Variants in RAI1 observed in about 807,000 individuals in gnomAD.
RAI1 encodes retinoic acid-induced protein 1.
In RAI1, 9 loss-of-function variants were observed where a neutral mutation model predicts 123.8. The observed-to-expected ratio is 0.07, with a 90% CI of 0.04 to 0.13. RAI1 has a LOEUF of 0.13. Ranked by LOEUF, RAI1 falls within the 10% of genes least tolerant of loss-of-function variation. RAI1 has a pLI of 1.00. For synonymous variants in RAI1, 1,231 were observed against 1,127.3 expected, an observed-to-expected ratio of 1.09 and a Z score of -1.84; for missense variants, 2,256 against 2,545.8, an observed-to-expected ratio of 0.89 and a Z score of 2.45.
At chr17:17,687,346 A>G (rs1335240565) in intron 1 of RAI1, among the ~76,000 whole-genome samples, 1 of 152,126 alleles carries the variant, frequency 6.6e-6, no homozygotes, top group Non-Finnish European at 1.5e-5. Flanking sequence ...TCTCATCTGT[A>G]AATGGGGGAA....
At chr17:17,748,712 G>A (rs926990194) in intron 2 of RAI1, among the ~76,000 whole-genome samples, 2 of 152,196 alleles carry the variant, frequency 1.3e-5, no homozygotes, top group Non-Finnish European at 1.5e-5. Context: ...GTGTACGCAC[G>A]CGTATGTCGG....
At chr17:17,798,670 TG>T (rs1236341818) in intron 3 of RAI1, among the ~76,000 whole-genome samples, 157 bp downstream of exon 3, 1 of 152,010 alleles carries the variant, frequency 6.6e-6, no homozygotes, top group African/African-American at 2.4e-5. Context: ...CTGGGGTGTG[TG>T]GGGGAAGTGG....
intron 1 of RAI1, among the ~76,000 whole-genome samples, chr17:17,721,604 C>A (rs1373630446): frequency 6.6e-6 from 1 of 152,206 alleles, no homozygotes; most frequent in Non-Finnish European, 1.5e-5. Flanking sequence ...CTTTCTCCTC[C>A]TCATCACTCA....
intron 1 of RAI1, among the ~76,000 whole-genome samples, chr17:17,699,259 G>A (rs538258113): frequency 1.3e-5 from 2 of 152,212 alleles, no homozygotes; most frequent in South Asian, 2.1e-4. Flanking sequence ...GACATCTGTC[G>A]GCAACATCCT....
intron 1 of RAI1, among the ~76,000 whole-genome samples, chr17:17,682,771 C>CTCT (rs1914482309): frequency 6.6e-6 from 1 of 152,144 alleles, no homozygotes; most frequent in Admixed American, 6.5e-5. Context: ...TTTCTTGGGG[C>CTCT]TCTTGGTCGT....
intron 3 of RAI1, 147 bp downstream of exon 3, chr17:17,798,660 CTG>C (rs2143003665): frequency 7.1e-7 from 1 of 1,411,524 alleles, no homozygotes; most frequent in South Asian, 1.4e-5. Context: ...CTGAGCCTCT[CTG>C]GGGTGTGTGG....
At chr17:17,769,297 G>T (rs927970701) in intron 2 of RAI1, among the ~76,000 whole-genome samples, 1 of 152,180 alleles carries the variant, frequency 6.6e-6, no homozygotes, top group Admixed American at 6.5e-5. Flanking sequence ...ATGGATGGGG[G>T]TGTCCCCCCA....
At position 17,681,608 on chromosome 17, in the gene RAI1, C is replaced by G. The variant is rs1432973558; in HGVS notation, c.-334C>G. On this transcript the variant is annotated 5_prime_UTR_variant, in exon 1 of 6. Coordinates refer to ENST00000353383, the MANE Select transcript of RAI1 (RefSeq NM_030665.4). ...AGTGCAGCGAGGGCGAGAGGCGAGC[C>G]GAGCAGGCCGCCCTGCCCGCGGCCC... is the stretch of plus-strand genomic sequence containing the variant. 3 of 199,582 alleles carry G rather than the reference C, an allele frequency of 1.5e-5. No individual in the cohort carries two copies. Among genetic ancestry groups the G allele is most frequent in the East Asian group, 1.3e-4 (1 of 7,886 alleles). 12.4% of individuals were successfully genotyped at this position (199,582 alleles called of 1,614,324 possible). A position where few individuals can be genotyped will look rare whatever the true frequency, so the allele number is the denominator to read the frequency against.
intron 1 of RAI1, among the ~76,000 whole-genome samples, chr17:17,695,263 A>T (rs1357425629): frequency 1.3e-5 from 2 of 151,982 alleles, no homozygotes; most frequent in East Asian, 3.9e-4. Context: ...GGGACTGCAC[A>T]CCTCACCCGG....
intron 2 of RAI1, chr17:17,778,932 T>G (rs1476051855): frequency 1.1e-5 from 5 of 456,838 alleles, no homozygotes; most frequent in African/African-American, 1.0e-4. Context: ...GGGCGGGGCC[T>G]GGGAAGAGGG....
At position 17,810,089 on chromosome 17, in the gene RAI1, C is replaced by A; in HGVS notation, c.*108C>A. On this transcript the variant is annotated 3_prime_UTR_variant, in exon 6 of 6. Coordinates refer to ENST00000353383, the MANE Select transcript of RAI1 (RefSeq NM_030665.4). This position sits in a 1 kb window ranked among gnomAD's most constrained non-coding sequence, Gnocchi z 4.6. ...CCGGGCCTTTGAGCTGCTCCCAGCG[C>A]TGGTCCAGAGCCGATCCTTGATCCG... is the stretch of plus-strand genomic sequence containing the variant. The A allele has an allele frequency of 7.0e-7, 1 of 1,433,908 alleles. No homozygotes were observed. The highest frequency in any genetic ancestry group is 9.4e-7 in the Non-Finnish European group (1 of 1,064,754). The allele number at this position is 1,433,908 out of a possible 1,614,324, so 88.8% of individuals were successfully genotyped here.
At chr17:17,739,846 C>G (rs1352020222) in intron 2 of RAI1, among the ~76,000 whole-genome samples, 1 of 152,216 alleles carries the variant, frequency 6.6e-6, no homozygotes, top group Non-Finnish European at 1.5e-5. Flanking sequence ...GGCACCAGTC[C>G]AGCTGGCCAG....
chr17:17,763,181 CTG>C lies in RAI1; in HGVS notation c.-16-29751_-16-29750del, dbSNP rs1311526077. ...TTTCCTGGGGTGGGAATGGCAGCCCCTGGAAGTAGAGAAGGGGGACAGGTTTA... is the reference window on the plus strand; with the variant it reads ...TTTCCTGGGGTGGGAATGGCAGCCCCGAAGTAGAGAAGGGGGACAGGTTTA... On this transcript the variant is annotated intron_variant, in intron 2 of 5. Coordinates refer to ENST00000353383, the MANE Select transcript of RAI1 (RefSeq NM_030665.4). 5.3e-5 allele frequency among the ~76,000 whole-genome samples: 8 copies of C among 152,312 alleles called. No homozygotes were observed. In the South Asian group the frequency reaches 1.5e-3, roughly 28 times the overall value.
intron 1 of RAI1, among the ~76,000 whole-genome samples, chr17:17,722,489 T>C (rs1448263023): frequency 1.3e-5 from 2 of 152,078 alleles, no homozygotes. Flanking sequence ...TCCGCCAGGC[T>C]CCACGCGCCG....
chr17:17,792,040 G>A (rs1331749706), intron 2 of RAI1, among the ~76,000 whole-genome samples: 1 of 152,138 alleles, frequency 6.6e-6, no homozygotes, highest in East Asian at 1.9e-4. Flanking sequence ...CGCCCCATGT[G>A]GGTGGGGCTG....
chr17:17,712,212 C>CT (rs1389113746), intron 1 of RAI1, among the ~76,000 whole-genome samples: 1 of 152,230 alleles, frequency 6.6e-6, no homozygotes, highest in African/African-American at 2.4e-5. Flanking sequence ...TGCCGGGGCT[C>CT]TATCAGCGAA....
rs116537839 is a variant in RAI1 at position 17,753,310 on chromosome 17, G to T, written c.-17+29151G>T. 5.0e-3 allele frequency among the ~76,000 whole-genome samples: 755 copies of T among 152,342 alleles called. 11 individuals are homozygous for T. The highest frequency in any genetic ancestry group is 0.017 in the African/African-American group (706 of 41,570). On this transcript the variant is annotated intron_variant, in intron 2 of 5. Transcript: ENST00000353383. ...AGCCCCAGCATCTGACTCTTCGTTT[G>T]TGTATTACTTGCTGTGCCTTGTCCT... is the stretch of plus-strand genomic sequence containing the variant.
At chr17:17,701,569 C>T (rs1343594532) in intron 1 of RAI1, among the ~76,000 whole-genome samples, 1 of 152,192 alleles carries the variant, frequency 6.6e-6, no homozygotes, top group Non-Finnish European at 1.5e-5. Context: ...TCCCCTCTCT[C>T]TTCCATGTCC....
rs1336457184 is a variant in RAI1, at chr17:17,702,610, T to C, written c.-149+20817T>C. Reference sequence around the variant, plus strand: ...CAGCCGGGTAGACAGTCGTCACTGATTAATGAGGTGGTAGAAACCTAGAGG... The same window carrying C: ...CAGCCGGGTAGACAGTCGTCACTGACTAATGAGGTGGTAGAAACCTAGAGG... On this transcript the variant is annotated intron_variant, in intron 1 of 5. Coordinates refer to ENST00000353383, the MANE Select transcript of RAI1 (RefSeq NM_030665.4). Among the ~76,000 whole-genome samples the C allele has an allele frequency of 3.3e-5, 5 of 152,170 alleles. No individual in the cohort carries two copies. In the East Asian group the frequency reaches 9.6e-4, roughly 29 times the overall value.
Sources: allele counts gnomAD v4.1 joint callset (sites outside exome capture counted in the v4.1 genomes callset), GRCh38; gene constraint gnomAD v4.1.1; non-coding constraint Gnocchi (gnomAD v3.1); transcripts MANE v1.5; gene names NCBI Gene and HGNC (gene_info 2026-07-23, HGNC 2026-07-21).